Variants in THADA observed in about 807,000 individuals in gnomAD.
The protein encoded by THADA is tRNA (32-2'-O)-methyltransferase regulator THADA.
In THADA, 213 loss-of-function variants were observed where a neutral mutation model predicts 219.8. That is an observed-to-expected ratio of 0.97 (90% CI 0.87 to 1.09). The LOEUF (loss-of-function observed/expected upper bound fraction) is 1.09, where lower values mean the gene tolerates loss of function less well. Ranked by LOEUF, THADA falls within the 50% of genes least tolerant of loss-of-function variation. The probability of loss-of-function intolerance (pLI) is 0.00; values close to 1 mark genes in which losing one functional copy is unlikely to be tolerated. For synonymous variants in THADA, 1,018 were observed against 828.9 expected, an observed-to-expected ratio of 1.23 and a Z score of -3.92; for missense variants, 2,956 against 2,311.3, an observed-to-expected ratio of 1.28 and a Z score of -5.72.
intron 26 of THADA, 24 bp from the exon 27 acceptor site, chr2:43,430,326 T>G (rs1307629236): frequency 1.5e-6 from 2 of 1,299,148 alleles, no homozygotes; most frequent in East Asian, 2.5e-5. Context: ...AGGAAAAAAT[T>G]TATTATCATT....
chr2:43,560,448 T>G (rs2103937436), intron 15 of THADA, 63 bp from the exon 16 acceptor site: 1 of 1,248,612 alleles, frequency 8.0e-7, no homozygotes, highest in East Asian at 2.7e-5. Context: ...TCTTCTGAAG[T>G]TATTTGACCA....
intron 34 of THADA, among the ~76,000 whole-genome samples, chr2:43,289,960 T>G (rs937964084): frequency 1.5e-4 from 20 of 133,778 alleles, no homozygotes; most frequent in Non-Finnish European, 2.9e-4. Flanking sequence ...GGCCCTGGTG[T>G]TTTTTTTTTG....
At chr2:43,524,614 A>G (rs1000525259) in intron 22 of THADA, among the ~76,000 whole-genome samples, 3 of 152,194 alleles carry the variant, frequency 2.0e-5, no homozygotes, top group Non-Finnish European at 4.4e-5. Flanking sequence ...ATTTTCTTTT[A>G]AAAATAAAAA....
At chr2:43,431,447 T>C (rs972132625) in intron 26 of THADA, among the ~76,000 whole-genome samples, 2 of 152,110 alleles carry the variant, frequency 1.3e-5, no homozygotes, top group African/African-American at 4.8e-5. Context: ...GAATTTCATA[T>C]AAATGTAATA....
intron 21 of THADA, among the ~76,000 whole-genome samples, chr2:43,537,850 G>A (rs894124729): frequency 6.6e-6 from 1 of 151,520 alleles, no homozygotes; most frequent in African/African-American, 2.4e-5. Context: ...CCAAATATTT[G>A]GGAGGCTTAA....
At chr2:43,528,013 T>C (rs1278032526) in intron 21 of THADA, 25 bp from the exon 22 acceptor site, 5 of 1,559,236 alleles carry the variant, frequency 3.2e-6, no homozygotes, top group African/African-American at 1.4e-5. Context: ...CAAAAACAAA[T>C]GTCCGATTTA....
At chr2:43,427,624 T>G (rs1678633108) in intron 28 of THADA, among the ~76,000 whole-genome samples, 1 of 148,536 alleles carries the variant, frequency 6.7e-6, no homozygotes, top group African/African-American at 2.5e-5. Context: ...ATATATATAA[T>G]AGTTTTTAAT....
chr2:43,496,688 T>C (rs34979471), intron 25 of THADA, among the ~76,000 whole-genome samples: 10 of 151,220 alleles, frequency 6.6e-5, no homozygotes, highest in Non-Finnish European at 8.8e-5. Context: ...CGAGTATTGG[T>C]AAAGATCTAA....
chr2:43,283,196 C>G (rs1049623498), intron 35 of THADA, among the ~76,000 whole-genome samples: 6 of 152,186 alleles, frequency 3.9e-5, no homozygotes, highest in Admixed American at 3.9e-4. Context: ...CTAAGGCCTC[C>G]CAGCCATGCT....
chr2:43,266,170 C>T (rs767822305), intron 36 of THADA, among the ~76,000 whole-genome samples: 7 of 152,132 alleles, frequency 4.6e-5, no homozygotes, highest in Admixed American at 2.0e-4. Context: ...GTGAGCTTGC[C>T]GGGAGGCTGA....
intron 29 of THADA, among the ~76,000 whole-genome samples, chr2:43,365,299 G>A (rs1376577115): frequency 2.6e-5 from 4 of 152,038 alleles, no homozygotes; most frequent in Middle Eastern, 3.4e-3. Flanking sequence ...ACGCAGATTC[G>A]GTGGCTTACA....
intron 9 of THADA, 49 bp downstream of exon 9, chr2:43,578,464 A>G (rs927369599): frequency 6.8e-7 from 1 of 1,475,036 alleles, no homozygotes; most frequent in Non-Finnish European, 9.4e-7. Flanking sequence ...TTTTTTAAAC[A>G]TACCCTAACT....
chr2:43,581,957 A>C, intron 7 of THADA, 29 bp from the exon 8 acceptor site: 1 of 1,465,396 alleles, frequency 6.8e-7, no homozygotes, highest in Non-Finnish European at 9.0e-7. Context: ...ATTATTACAA[A>C]AGGAAATTCA....
At chr2:43,578,171 G>A (rs1248470542) in intron 9 of THADA, among the ~76,000 whole-genome samples, 1 of 147,854 alleles carries the variant, frequency 6.8e-6, no homozygotes, top group African/African-American at 2.5e-5. Context: ...TTTTTTTTAA[G>A]AGACAAGGTC....
At chr2:43,550,451 A>G (rs1450485826) in intron 19 of THADA, among the ~76,000 whole-genome samples, 1 of 152,228 alleles carries the variant, frequency 6.6e-6, no homozygotes, top group Non-Finnish European at 1.5e-5. Context: ...AGAAAAGATC[A>G]GAGAATAAAT....
At chr2:43,447,587 C>A (rs1031865059) in intron 26 of THADA, among the ~76,000 whole-genome samples, 2 of 152,116 alleles carry the variant, frequency 1.3e-5, no homozygotes, top group Non-Finnish European at 2.9e-5. Context: ...TAAGGCACTG[C>A]AAAAACTGAT....
chr2:43,557,396 G>T (rs558542448), intron 16 of THADA, among the ~76,000 whole-genome samples: 5 of 152,234 alleles, frequency 3.3e-5, no homozygotes, highest in African/African-American at 7.2e-5. Context: ...TTTCACCTGG[G>T]CATCATATGG....
In THADA at chr2:43,508,683, T is replaced by C. The variant is rs199669113; in HGVS notation, c.3472A>G (p.Thr1158Ala). The change falls in exon 23 of 38, where the codon ACA becomes GCA. Residue 1158 changes from threonine to alanine, a missense_variant. Transcript: ENST00000405975. ...CSDPSSKLCATRRSAGIPFYI... is the reference protein window; with the variant it reads ...CSDPSSKLCAARRSAGIPFYI... ...AAAGGAATTCCAGCACTGCGCCTTG[T>C]AGCACAGAGTTTAGATGAAGGATCA... 10 of 1,613,720 alleles carry C rather than the reference T, an allele frequency of 6.2e-6. No homozygotes were observed. The highest frequency in any genetic ancestry group is 1.6e-4 in the Middle Eastern group (1 of 6,062).
At chr2:43,335,271 T>C (rs570590664) in intron 30 of THADA, among the ~76,000 whole-genome samples, 14 of 152,246 alleles carry the variant, frequency 9.2e-5, no homozygotes, top group African/African-American at 3.1e-4. Flanking sequence ...AAACACTGGA[T>C]AGATGGAGGC....
Sources: gnomAD v4.1 joint callset for allele counts (sites outside exome capture counted in the v4.1 genomes callset) on GRCh38, gnomAD v4.1.1 for gene constraint, MANE v1.5 for transcripts, NCBI Gene and HGNC (gene_info 2026-07-23, HGNC 2026-07-21) for gene names.